Variants in GLB1 observed in about 807,000 individuals in gnomAD.
GLB1 encodes beta-galactosidase.
In GLB1, 56 loss-of-function variants were observed where a neutral mutation model predicts 74.0. The observed-to-expected ratio is 0.76, with a 90% CI of 0.61 to 0.94. The LOEUF (loss-of-function observed/expected upper bound fraction) is 0.94, where lower values mean the gene tolerates loss of function less well. GLB1 is among the 40% of genes least tolerant of loss of function. GLB1 has a pLI of 0.00. For synonymous variants in GLB1, 323 were observed against 323.6 expected, an observed-to-expected ratio of 1.00 and a Z score of 0.02; for missense variants, 787 against 845.5, an observed-to-expected ratio of 0.93 and a Z score of 0.86.
intron 15 of GLB1, among the ~76,000 whole-genome samples, chr3:33,006,194 T>C (rs1272374712): frequency 6.6e-6 from 1 of 151,572 alleles, no homozygotes; most frequent in Non-Finnish European, 1.5e-5. Flanking sequence ...GGCCACAGAC[T>C]GGTCTGCGGC....
chr3:32,986,321 G>A, the GLB1 span, among the ~76,000 whole-genome samples: 1 of 152,072 alleles, frequency 6.6e-6, no homozygotes, highest in Non-Finnish European at 1.5e-5. Context: ...CATGTAGTAA[G>A]GATAAGAAAT....
In GLB1 at chr3:33,024,294, G is replaced by A; in HGVS notation, c.1100C>T (p.Pro367Leu). 1 of 1,582,180 alleles carries A rather than the reference G, an allele frequency of 6.3e-7. No homozygotes were observed. Among genetic ancestry groups the A allele is most frequent in the South Asian group, 1.1e-5 (1 of 89,566 alleles). Residue 367 changes from proline (P) to leucine (L), a missense_variant, in exon 11 of 16, where the codon CCA becomes CTA. By Grantham distance (98) the Pro-to-Leu change is moderately conservative. Coordinates refer to ENST00000307363, the MANE Select transcript of GLB1 (RefSeq NM_000404.4). The part of the protein sequence containing the change: ...FEKVPEGPIP[P>L]STPKFAYGKV... ...TCCATATGCAAACTTTGGTGTAGAT[G>A]GAGGGATAGGACCTTCTGGTACTTT...
chr3:33,051,276 A>T (rs28615536), intron 9 of GLB1, among the ~76,000 whole-genome samples: 6 of 148,244 alleles, frequency 4.0e-5, no homozygotes, highest in African/African-American at 1.5e-4. Context: ...ATTATTTTTT[A>T]AAATTACATA....
In GLB1 at chr3:33,072,235, A is replaced by C. The variant is rs78964897; in HGVS notation, c.245+309T>G. Among the ~76,000 whole-genome samples the C allele has an allele frequency of 2.9e-3, 444 of 152,336 alleles. 17 individuals are homozygous for C. In the East Asian group the frequency reaches 0.074, roughly 25 times the overall value. ...ATAATACCTATCTCGAGGAAATGGA[A>C]TCATTAGTATAAAGTGCCCTGTATC... On this transcript the variant is annotated intron_variant, in intron 2 of 15. Coordinates refer to ENST00000307363, the MANE Select transcript of GLB1 (RefSeq NM_000404.4).
chr3:33,004,015 G>A, intron 15 of GLB1, among the ~76,000 whole-genome samples: 1 of 151,850 alleles, frequency 6.6e-6, no homozygotes, highest in Non-Finnish European at 1.5e-5. Flanking sequence ...GGGCAACAGA[G>A]TGAGACTCCA....
At chr3:33,042,479 T>A (rs1360893379) in intron 10 of GLB1, among the ~76,000 whole-genome samples, 1 of 147,330 alleles carries the variant, frequency 6.8e-6, no homozygotes, top group African/African-American at 2.5e-5. Context: ...GCCATTCTTC[T>A]GCCTCAGCCT....
In GLB1 at chr3:33,046,150, C is replaced by T; in HGVS notation, c.1038G>A (p.Lys346=). 1 of 1,613,708 alleles carries T rather than the reference C, an allele frequency of 6.2e-7. No individual in the cohort carries two copies. Among genetic ancestry groups the T allele is most frequent in the South Asian group, 1.1e-5 (1 of 91,046 alleles). ...PLSEAGDLTE[K]YFALRNIIQK... is the part of the protein sequence containing the mutation. Reference sequence around the variant, plus strand: ...GGATGATGTTTCGCAGAGCAAAATACTTCTCAGTGAGGTCCCCAGCCTCAC... The same window carrying T: ...GGATGATGTTTCGCAGAGCAAAATATTTCTCAGTGAGGTCCCCAGCCTCAC... Residue 346 remains lysine, a synonymous_variant, in exon 10 of 16, where the codon AAG becomes AAA. Coordinates refer to ENST00000307363, the MANE Select transcript of GLB1 (RefSeq NM_000404.4).
At chr3:33,051,620 G>GAAAAA (rs1698991412) in intron 9 of GLB1, 138 bp downstream of exon 9, 9 of 944,576 alleles carry the variant, frequency 9.5e-6, no homozygotes, top group East Asian at 9.4e-5. Flanking sequence ...AAAAAAAAAA[G>GAAAAA]AAAAAGAAAA....
Position 33,058,151 on chromosome 3 carries a change from TG to T in GLB1, c.670del (p.His224IlefsTer5). The part of the protein sequence containing the change: ...DVVLFTTDGA[H>X]KTFLKCGALQ... ...GGCCCCACATTTCAGGAATGTTTTATGTGCTCCATCAGTGGTAAACAGAACC... is the reference window on the plus strand; with the variant it reads ...GGCCCCACATTTCAGGAATGTTTTATTGCTCCATCAGTGGTAAACAGAACC... On this transcript the variant is annotated frameshift_variant, in exon 6 of 16. Coordinates refer to ENST00000307363, the MANE Select transcript of GLB1 (RefSeq NM_000404.4). LOFTEE classifies it high-confidence loss of function. 2 of 1,614,156 alleles carry T rather than the reference TG, an allele frequency of 1.2e-6. No homozygotes were observed. Among genetic ancestry groups the T allele is most frequent in the Non-Finnish European group, 1.7e-6 (2 of 1,180,032 alleles).
At chr3:32,999,289 C>T (rs1170272087) in intron 15 of GLB1, among the ~76,000 whole-genome samples, 1 of 152,120 alleles carries the variant, frequency 6.6e-6, no homozygotes, top group African/African-American at 2.4e-5. Flanking sequence ...TTAAAATCTG[C>T]CGGTGCCTTG....
At chr3:33,077,665 A>G (rs764604026) in intron 1 of GLB1, among the ~76,000 whole-genome samples, 5 of 148,468 alleles carry the variant, frequency 3.4e-5, no homozygotes, top group Non-Finnish European at 5.9e-5. Flanking sequence ...TAACTGGTAA[A>G]TGTGCACAAG....
intron 5 of GLB1, among the ~76,000 whole-genome samples, chr3:33,060,263 T>A (rs1699389031): frequency 6.6e-6 from 1 of 152,252 alleles, no homozygotes; most frequent in Non-Finnish European, 1.5e-5. Context: ...GTAGCACGCA[T>A]GCCCAGGACA....
Position 33,014,261 on chromosome 3 carries a change from G to T in GLB1, c.1529C>A (p.Thr510Lys), listed in dbSNP as rs1803198. 6.2e-7 allele frequency: 1 copy of T among 1,614,124 alleles called. No individual in the cohort carries two copies. ...ATCCTCAGTGTCCAGTGGAAAGATC[G>T]TCCAGTCCGTGAGGATATTGGAACT... ...TLSSNILTDWTIFPLDTEDAV... is the reference protein window; with the variant it reads ...TLSSNILTDWKIFPLDTEDAV... The change falls in exon 15 of 16, where the codon ACG (threonine) becomes AAG (lysine). Residue 510 changes from threonine to lysine, a missense_variant. Thr to Lys is a moderately conservative substitution (Grantham distance 78, BLOSUM62 -1). Transcript: ENST00000307363.
chr3:33,016,832 C>T lies in GLB1; in HGVS notation c.1356G>A (p.Gln452=), dbSNP rs1360438550. Residue 452 remains glutamine (Q), a synonymous_variant, in exon 14 of 16, where the codon CAG becomes CAA. Coordinates refer to ENST00000307363, the MANE Select transcript of GLB1 (RefSeq NM_000404.4). ...TCACATTGTTTCGCTCAAGGACTCC[C>T]TGGGGGATCTGTGGGGTTCAAGACC... ...RAYVAVDGIP[Q]GVLERNNVIT... 1.9e-5 allele frequency: 31 copies of T among 1,613,844 alleles called. No homozygotes were observed. Among genetic ancestry groups the T allele is most frequent in the Non-Finnish European group, 2.5e-5 (30 of 1,179,894 alleles).
chr3:32,987,552 G>C, the GLB1 span, among the ~76,000 whole-genome samples: 4 of 152,282 alleles, frequency 2.6e-5, no homozygotes, highest in East Asian at 1.9e-4. Context: ...CCCCTCTTCT[G>C]CTGCTCTGCC....
At chr3:33,054,746 T>C (rs748015549) in intron 6 of GLB1, among the ~76,000 whole-genome samples, 7 of 152,036 alleles carry the variant, frequency 4.6e-5, no homozygotes, top group Non-Finnish European at 8.8e-5. Flanking sequence ...CCATTAGGGG[T>C]GTCTTGTCTT....
the GLB1 span, among the ~76,000 whole-genome samples, chr3:32,962,150 C>T: frequency 2.0e-5 from 3 of 151,254 alleles, no homozygotes; most frequent in South Asian, 2.1e-4. Context: ...GCTGAGGTCA[C>T]GTCATTGCAC....
chr3:33,034,172 T>A, intron 10 of GLB1: 1 of 628,956 alleles, frequency 1.6e-6, no homozygotes. Flanking sequence ...AGGATATGAC[T>A]CCTCCGTGAA....
At chr3:32,977,431 C>T in the GLB1 span, among the ~76,000 whole-genome samples, 1 of 152,148 alleles carries the variant, frequency 6.6e-6, no homozygotes, top group Non-Finnish European at 1.5e-5. Flanking sequence ...TGGTCTCAAA[C>T]TCCTGACCTC....
Sources: gnomAD v4.1 joint callset for allele counts (sites outside exome capture counted in the v4.1 genomes callset) on GRCh38, gnomAD v4.1.1 for gene constraint, MANE v1.5 for transcripts, NCBI Gene and HGNC (gene_info 2026-07-23, HGNC 2026-07-21) for gene names.